Variants in CACNA1I observed in about 807,000 individuals in gnomAD.
CACNA1I encodes calcium voltage-gated channel subunit alpha1 I, also known as voltage-dependent T-type calcium channel subunit alpha-1I.
A neutral mutation model predicts 201.6 loss-of-function variants in CACNA1I; 74 were observed. That is an observed-to-expected ratio of 0.37 (90% CI 0.30 to 0.45). CACNA1I has a LOEUF of 0.45. Ranked by LOEUF, CACNA1I falls within the 20% of genes least tolerant of loss-of-function variation. The pLI is 1.00. For missense variants in CACNA1I, 2,346 were observed against 3,138.1 expected (o/e 0.75, Z 6.03); for synonymous variants, 1,431 against 1,345.2 (o/e 1.06, Z -1.40).
At chr22:39,612,792 G>T (rs1601816838) in intron 3 of CACNA1I, among the ~76,000 whole-genome samples, 1 of 152,146 alleles carries the variant, frequency 6.6e-6, no homozygotes, top group Admixed American at 6.5e-5. Context: ...CACAGTCAAG[G>T]GTTAATGTCA....
Position 39,648,903 on chromosome 22 carries a change from C to T in CACNA1I, c.1568-598C>T, listed in dbSNP as rs990731345. On this transcript the variant is annotated intron_variant, in intron 9 of 36. Transcript: ENST00000402142. The surrounding 1 kb of genome is among the most constrained non-coding windows in gnomAD (Gnocchi z 5.4). ...TCCCAGGGGCCCTTCCTGCCCGCTG[C>T]CCCCACCTCCACCCCTTGCGTGGAG... 6.6e-6 allele frequency among the ~76,000 whole-genome samples: 1 copy of T among 152,028 alleles called. No individual in the cohort carries two copies. The highest frequency in any genetic ancestry group is 1.5e-5 in the Non-Finnish European group (1 of 67,994).
chr22:39,633,597 G>A (rs948069987), intron 4 of CACNA1I, among the ~76,000 whole-genome samples: 1 of 152,248 alleles, frequency 6.6e-6, no homozygotes, highest in African/African-American at 2.4e-5. Context: ...GGTGTTCTAG[G>A]AAGAGGGAAC....
chr22:39,687,762 T>C lies in CACNA1I; in HGVS notation c.*1357T>C, dbSNP rs931556381. 1 of 152,222 alleles carries C rather than the reference T, an allele frequency of 6.6e-6. No homozygotes were observed. Among genetic ancestry groups the C allele is most frequent in the African/African-American group, 2.4e-5 (1 of 41,448 alleles). The allele number at this position is 152,222 out of a possible 1,614,324, so 9.4% of individuals were successfully genotyped here. A position where few individuals can be genotyped will look rare whatever the true frequency, so the allele number is the denominator to read the frequency against. On this transcript the variant is annotated 3_prime_UTR_variant, in exon 37 of 37. Coordinates refer to ENST00000402142, the MANE Select transcript of CACNA1I (RefSeq NM_021096.4). ...TTGAAGAGTTACGCATTTATTTCAC[T>C]ATTTATTGGGAAAAAAATGCATTGA...
At position 39,648,668 on chromosome 22, in the gene CACNA1I, C is replaced by G. The variant is rs531135527; in HGVS notation, c.1567+742C>G. ...TGAAGGGTAGGCGTGACATGCTTTT[C>G]TTTCCCTTTCATGTTACTTTTTTGG... is the stretch of plus-strand genomic sequence containing the variant. On this transcript the variant is annotated intron_variant, in intron 9 of 36. Coordinates refer to ENST00000402142, the MANE Select transcript of CACNA1I (RefSeq NM_021096.4). The surrounding 1 kb of genome is among the most constrained non-coding windows in gnomAD (Gnocchi z 5.4). 6.6e-6 allele frequency among the ~76,000 whole-genome samples: 1 copy of G among 152,144 alleles called. No homozygotes were observed.
intron 5 of CACNA1I, among the ~76,000 whole-genome samples, chr22:39,637,970 A>G (rs559461289): frequency 7.2e-5 from 11 of 152,102 alleles, no homozygotes; most frequent in Admixed American, 1.3e-4. Flanking sequence ...ATCTCACTCT[A>G]TCGCCTAGGC....
At chr22:39,579,210 T>G (rs1029400510) in intron 1 of CACNA1I, among the ~76,000 whole-genome samples, 3 of 152,186 alleles carry the variant, frequency 2.0e-5, no homozygotes, top group African/African-American at 7.2e-5. Flanking sequence ...CTTCCCCACC[T>G]ACCATGACCC....
chr22:39,577,869 G>A (rs1213652792), intron 1 of CACNA1I, among the ~76,000 whole-genome samples: 1 of 152,270 alleles, frequency 6.6e-6, no homozygotes, highest in Admixed American at 6.5e-5. Context: ...TAGACCAGTG[G>A]CCTTGGCCAA....
intron 1 of CACNA1I, among the ~76,000 whole-genome samples, chr22:39,581,682 G>A (rs1195083923): frequency 6.6e-6 from 1 of 152,184 alleles, no homozygotes; most frequent in African/African-American, 2.4e-5. Context: ...TCCTACCTGG[G>A]CTTCTGCCCT....
At chr22:39,585,902 C>T (rs1188455206) in intron 1 of CACNA1I, among the ~76,000 whole-genome samples, 1 of 151,582 alleles carries the variant, frequency 6.6e-6, no homozygotes, top group African/African-American at 2.4e-5. Flanking sequence ...TGCATTTGAC[C>T]TGGCGCGGTG....
At chr22:39,642,285 G>C (rs929605695) in intron 6 of CACNA1I, among the ~76,000 whole-genome samples, 1 of 152,156 alleles carries the variant, frequency 6.6e-6, no homozygotes, top group African/African-American at 2.4e-5. Context: ...AAGGACCCAG[G>C]GTTTGTCTTT....
At position 39,630,232 on chromosome 22, in the gene CACNA1I, C is replaced by T. The variant is rs1934021046; in HGVS notation, c.581-4333C>T. Among the ~76,000 whole-genome samples, 3 of 152,226 alleles carry T rather than the reference C, an allele frequency of 2.0e-5. No individual in the cohort carries two copies. The South Asian group carries it at 6.2e-4, about 32-fold the overall frequency. The stretch of plus-strand genomic sequence containing the variant: ...AATGTTCACCCGACCCCAGGCCAAA[C>T]CCCCAACCCTTTCTCCCTTCTCTGT... On this transcript the variant is annotated intron_variant, in intron 4 of 36. Transcript: ENST00000402142.
At chr22:39,638,019 C>T (rs966376437) in intron 5 of CACNA1I, among the ~76,000 whole-genome samples, 37 of 152,080 alleles carry the variant, frequency 2.4e-4, no homozygotes, top group African/African-American at 8.0e-4. Context: ...CTGCCACCTC[C>T]GCCTCCCAGG....
intron 3 of CACNA1I, among the ~76,000 whole-genome samples, chr22:39,603,990 CA>C (rs1416095308): frequency 6.6e-5 from 10 of 152,132 alleles, no homozygotes; most frequent in African/African-American, 2.4e-4. Context: ...GTGAAGCAAA[CA>C]AAGGTATTTT....
intron 10 of CACNA1I, among the ~76,000 whole-genome samples, chr22:39,652,553 T>C (rs136834): frequency 0.81 from 123,375 of 152,240 alleles, 50,851 homozygotes; most frequent in East Asian, 1. Context: ...TCGCCCCTCT[T>C]GTACCCTTGG....
chr22:39,616,090 G>A (rs1933527968), intron 3 of CACNA1I, among the ~76,000 whole-genome samples: 3 of 152,162 alleles, frequency 2.0e-5, no homozygotes, highest in African/African-American at 4.8e-5. Flanking sequence ...GTGTGTTCCC[G>A]TGCTGAAGAC....
chr22:39,583,911 C>T (rs1421481537), intron 1 of CACNA1I, among the ~76,000 whole-genome samples: 1 of 152,188 alleles, frequency 6.6e-6, no homozygotes, highest in African/African-American at 2.4e-5. Flanking sequence ...AGGTGTGCAG[C>T]ACAGCTTTTG....
chr22:39,670,322 AG>A (rs1458068598), intron 25 of CACNA1I, 92 bp downstream of exon 25: 16 of 1,306,138 alleles, frequency 1.2e-5, no homozygotes, highest in Admixed American at 4.5e-5. Flanking sequence ...TGGAGCTGGA[AG>A]GGAACAAAAG....
intron 33 of CACNA1I, among the ~76,000 whole-genome samples, chr22:39,680,299 G>C (rs1350080810): frequency 1.3e-5 from 2 of 152,186 alleles, no homozygotes; most frequent in African/African-American, 4.8e-5. Context: ...GGCCCACCCA[G>C]CTCAGGGGTT....
rs1024311508 is a variant in CACNA1I at position 39,629,556 on chromosome 22, G to A, written c.581-5009G>A. Among the ~76,000 whole-genome samples the A allele has an allele frequency of 3.6e-5, 4 of 111,080 alleles. No homozygotes were observed. Among genetic ancestry groups the A allele is most frequent in the Non-Finnish European group, 5.7e-5 (3 of 53,016 alleles). 72.9% of individuals were successfully genotyped at this position (111,080 alleles called of 152,430 possible). A position where few individuals can be genotyped will look rare whatever the true frequency, so the allele number is the denominator to read the frequency against. ...ACGGCCAGGCAGGGCCAGGCAGGAC[G>A]GAGAGGAGCAGGGGGACGGAAGGCC... On this transcript the variant is annotated intron_variant, in intron 4 of 36. Transcript: ENST00000402142. This position sits in a 1 kb window ranked among gnomAD's most constrained non-coding sequence, Gnocchi z 4.8.
Sources: allele counts gnomAD v4.1 joint callset (sites outside exome capture counted in the v4.1 genomes callset), GRCh38; gene constraint gnomAD v4.1.1; non-coding constraint Gnocchi (gnomAD v3.1); transcripts MANE v1.5; gene names NCBI Gene and HGNC (gene_info 2026-07-23, HGNC 2026-07-21).